Variants in FYTTD1 observed in about 807,000 individuals in gnomAD.
FYTTD1 encodes forty-two-three domain containing 1, also known as UAP56-interacting factor.
A neutral mutation model predicts 40.9 loss-of-function variants in FYTTD1; 22 were observed. That is an observed-to-expected ratio of 0.54 (90% CI 0.38 to 0.77). The LOEUF is 0.77. Among genes scored for constraint, FYTTD1 ranks in the 30% least tolerant of loss-of-function variants. The probability of loss-of-function intolerance (pLI) is 0.00; values close to 1 mark genes in which losing one functional copy is unlikely to be tolerated. For missense variants in FYTTD1, 351 were observed against 392.2 expected (o/e 0.90, Z 0.89); for synonymous variants, 140 against 137.9 (o/e 1.01, Z -0.10).
intron 5 of FYTTD1, 136 bp downstream of exon 5, chr3:197,773,635 G>T (rs1729782495): frequency 1.8e-6 from 1 of 570,470 alleles, no homozygotes; most frequent in Non-Finnish European, 3.1e-6. Context: ...TAGTAGATTA[G>T]TTCTTCCTGT....
chr3:197,752,176 A>AT (rs1175736242), intron 1 of FYTTD1, among the ~76,000 whole-genome samples: 1 of 152,120 alleles, frequency 6.6e-6, no homozygotes, highest in African/African-American at 2.4e-5. Flanking sequence ...CATTTTATAT[A>AT]TTAACTCAGT....
intron 7 of FYTTD1, among the ~76,000 whole-genome samples, chr3:197,778,127 T>C (rs761582891): frequency 3.3e-5 from 5 of 152,238 alleles, no homozygotes; most frequent in Non-Finnish European, 7.3e-5. Context: ...CATTCCAACT[T>C]GTTGAAAAGT....
rs1730106446 is a variant in FYTTD1 at position 197,784,330 on chromosome 3, T to C, written c.*2421T>C. Reference sequence around the variant, plus strand: ...CTCAGCTCTAAAGATTGAGTTGTGGTTTTTAGATTGTTCTATGTTACGAAG... The same window carrying C: ...CTCAGCTCTAAAGATTGAGTTGTGGCTTTTAGATTGTTCTATGTTACGAAG... On this transcript the variant is annotated 3_prime_UTR_variant, in exon 9 of 9. Coordinates refer to ENST00000241502, the MANE Select transcript of FYTTD1 (RefSeq NM_032288.7). 2 of 152,214 alleles carry C rather than the reference T, an allele frequency of 1.3e-5. No homozygotes were observed. Among genetic ancestry groups the C allele is most frequent in the Admixed American group, 1.3e-4 (2 of 15,286 alleles). The allele number at this position is 152,214 out of a possible 1,614,324, so 9.4% of individuals were successfully genotyped here.
At chr3:197,750,942 C>A in intron 1 of FYTTD1, 1 of 711,894 alleles carries the variant, frequency 1.4e-6, no homozygotes, top group Non-Finnish European at 1.7e-6. Flanking sequence ...GAGGCACCAG[C>A]CGCTGTGGTT....
At chr3:197,756,967 G>C (rs1729231650) in intron 2 of FYTTD1, among the ~76,000 whole-genome samples, 1 of 152,156 alleles carries the variant, frequency 6.6e-6, no homozygotes, top group African/African-American at 2.4e-5. Context: ...CACTGTGCCT[G>C]GCCTCTTAAT....
intron 2 of FYTTD1, among the ~76,000 whole-genome samples, chr3:197,757,356 T>C (rs192868220): frequency 7.8e-4 from 119 of 152,354 alleles, no homozygotes; most frequent in African/African-American, 2.5e-3. Flanking sequence ...CTTTTTCAGA[T>C]ATGTAAAAAT....
At chr3:197,777,293 G>A (rs1729904628) in intron 7 of FYTTD1, among the ~76,000 whole-genome samples, 2 of 152,156 alleles carry the variant, frequency 1.3e-5, no homozygotes, top group Non-Finnish European at 2.9e-5. Context: ...GTCTGGCTCT[G>A]TTACCCAGGC....
At position 197,785,880 on chromosome 3, in the gene FYTTD1, T is replaced by C. The variant is rs905292108; in HGVS notation, c.*3971T>C. ...GCCACTGTGAAAAAGCAGTTAAGCA[T>C]GTAAAACTTCCCTTTAGAGAGGGTT... On this transcript the variant is annotated 3_prime_UTR_variant, in exon 9 of 9. Coordinates refer to ENST00000241502, the MANE Select transcript of FYTTD1 (RefSeq NM_032288.7). 1 of 151,652 alleles carries C rather than the reference T, an allele frequency of 6.6e-6. No individual in the cohort carries two copies. Among genetic ancestry groups the C allele is most frequent in the African/African-American group, 2.4e-5 (1 of 41,376 alleles). The allele number at this position is 151,652 out of a possible 1,614,324, so 9.4% of individuals were successfully genotyped here.
At chr3:197,751,411 G>A (rs529481001) in intron 1 of FYTTD1, among the ~76,000 whole-genome samples, 180 of 152,312 alleles carry the variant, frequency 1.2e-3, no homozygotes, top group African/African-American at 4.3e-3. Flanking sequence ...AGGCGGAGGC[G>A]GAGGCAGGCA....
intron 6 of FYTTD1, among the ~76,000 whole-genome samples, chr3:197,775,948 T>A (rs772137770): frequency 1.3e-5 from 2 of 152,100 alleles, no homozygotes; most frequent in Admixed American, 1.3e-4. Flanking sequence ...TTTTGACTAA[T>A]GTGAATATAA....
At chr3:197,757,146 A>G (rs895612027) in intron 2 of FYTTD1, among the ~76,000 whole-genome samples, 7 of 152,252 alleles carry the variant, frequency 4.6e-5, no homozygotes, top group African/African-American at 1.4e-4. Flanking sequence ...TAAATCTTCC[A>G]AAGTTGACAC....
chr3:197,751,583 G>T (rs1401023761), intron 1 of FYTTD1, among the ~76,000 whole-genome samples: 1 of 152,102 alleles, frequency 6.6e-6, no homozygotes, highest in Non-Finnish European at 1.5e-5. Flanking sequence ...GCAGTGAGCC[G>T]ATTGCGCCAC....
chr3:197,763,306 C>T (rs1474988307), intron 2 of FYTTD1, among the ~76,000 whole-genome samples: 4 of 151,458 alleles, frequency 2.6e-5, no homozygotes, highest in South Asian at 2.1e-4. Flanking sequence ...CCCAGCTCCT[C>T]GGGAGCCTGA....
chr3:197,760,191 A>G (rs760667812), intron 2 of FYTTD1, among the ~76,000 whole-genome samples: 36 of 132,432 alleles, frequency 2.7e-4, no homozygotes, highest in Admixed American at 3.8e-4. Context: ...GTGGTAGAAC[A>G]TATCGAGTTG....
intron 3 of FYTTD1, among the ~76,000 whole-genome samples, chr3:197,768,952 C>T (rs1395286607): frequency 4.6e-5 from 7 of 151,802 alleles, no homozygotes; most frequent in Non-Finnish European, 7.4e-5. Flanking sequence ...GCCACCACTC[C>T]CAGCTAATTT....
chr3:197,763,583 C>T (rs942055322), intron 2 of FYTTD1: 13 of 432,076 alleles, frequency 3.0e-5, no homozygotes, highest in Admixed American at 8.3e-5. Flanking sequence ...TCAGGACCAG[C>T]GTGGGCAACA....
At chr3:197,777,687 A>G (rs773674823) in intron 7 of FYTTD1, among the ~76,000 whole-genome samples, 1 of 152,114 alleles carries the variant, frequency 6.6e-6, no homozygotes, top group South Asian at 2.1e-4. Flanking sequence ...AACTTTGTCA[A>G]TTTATGGAGC....
chr3:197,771,421 G>A (rs1729712187), intron 4 of FYTTD1, among the ~76,000 whole-genome samples: 1 of 152,166 alleles, frequency 6.6e-6, no homozygotes, highest in Non-Finnish European at 1.5e-5. Context: ...ACTTTGGGGG[G>A]CTAAAGCAGG....
chr3:197,750,386 GGCTACGGCTCGCC>G, intron 1 of FYTTD1: 2 of 1,091,834 alleles, frequency 1.8e-6, no homozygotes, highest in Non-Finnish European at 1.1e-6. Context: ...TCCCCGGAGG[GGCTACGGCTCGCC>G]GCTCGCCGGC....
Sources: allele counts gnomAD v4.1 joint callset (sites outside exome capture counted in the v4.1 genomes callset), GRCh38; gene constraint gnomAD v4.1.1; transcripts MANE v1.5; gene names NCBI Gene and HGNC (gene_info 2026-07-23, HGNC 2026-07-21).